BACE1: variants seen among roughly 807,000 people sequenced by gnomAD.
BACE1 encodes APP beta-secretase.
BACE1 carries 21 observed loss-of-function variants against 54.0 expected under a neutral mutation model. The observed-to-expected ratio is 0.39, with a 90% CI of 0.28 to 0.56. The LOEUF (loss-of-function observed/expected upper bound fraction) is 0.56. Ranked by LOEUF, BACE1 falls within the 20% of genes least tolerant of loss-of-function variation. The pLI, the probability that BACE1 is intolerant of heterozygous loss-of-function variation, is 0.63. For missense variants in BACE1, 511 were observed against 661.2 expected (o/e 0.77, Z 2.49); for synonymous variants, 232 against 260.9 (o/e 0.89, Z 1.07).
Position 117,290,954 on chromosome 11 carries a change from G to A in BACE1, c.1038C>T (p.Leu346=). ...TPWNIFPVIS[L]YLMGEVTNQS... is the part of the protein sequence containing the mutation. ...GGTTGGTAACCTCACCCATTAGGTA[G>A]AGTGAGATGACTGGGAAAATGTTCC... is the stretch of plus-strand genomic sequence containing the variant. The change falls in exon 7 of 9, where the codon CTC becomes CTT. Residue 346 remains leucine (L), a synonymous_variant. Transcript: ENST00000313005. The A allele has an allele frequency of 1.2e-6, 2 of 1,614,218 alleles. No homozygotes were observed. The highest frequency in any genetic ancestry group is 1.7e-6 in the Non-Finnish European group (2 of 1,180,042).
chr11:117,297,192 G>T, intron 1 of BACE1: 1 of 475,346 alleles, frequency 2.1e-6, no homozygotes, highest in East Asian at 3.7e-5. Context: ...GCCCTCTGCA[G>T]GTCTGCTGAA....
In BACE1 at chr11:117,316,008, G is replaced by A. The variant is rs972064462; in HGVS notation, c.-213C>T. The A allele has an allele frequency of 3.0e-5, 13 of 435,614 alleles. No individual in the cohort carries two copies. The highest frequency in any genetic ancestry group is 5.0e-5 in the Non-Finnish European group (13 of 259,490). The allele number at this position is 435,614 out of a possible 1,614,324, so 27.0% of individuals were successfully genotyped here. ...CCGCAGAGCACGGGAGCAGGGGAGAGGCTGGGATCCGGAGCCCGCTACATC... is the reference window on the plus strand; with the variant it reads ...CCGCAGAGCACGGGAGCAGGGGAGAAGCTGGGATCCGGAGCCCGCTACATC... On this transcript the variant is annotated 5_prime_UTR_variant, in exon 1 of 9. Coordinates refer to ENST00000313005, the MANE Select transcript of BACE1 (RefSeq NM_012104.6).
intron 8 of BACE1, 43 bp from the exon 9 acceptor site, chr11:117,289,850 A>G (rs767501526): frequency 1.3e-6 from 2 of 1,568,944 alleles, no homozygotes; most frequent in Admixed American, 1.7e-5. Context: ...TCATTGTCAT[A>G]GAGGAGTTAA....
chr11:117,310,965 T>A (rs1413949053), intron 1 of BACE1, among the ~76,000 whole-genome samples: 1 of 151,554 alleles, frequency 6.6e-6, no homozygotes, highest in East Asian at 1.9e-4. Flanking sequence ...ACACTGTGAG[T>A]GATAAAGACC....
chr11:117,311,073 C>A (rs2034934930), intron 1 of BACE1, among the ~76,000 whole-genome samples: 1 of 151,806 alleles, frequency 6.6e-6, no homozygotes, highest in Non-Finnish European at 1.5e-5. Context: ...AAGTAAAGAC[C>A]TTTTATATAT....
At chr11:117,292,839 T>C in intron 5 of BACE1, 2 of 527,478 alleles carry the variant, frequency 3.8e-6, no homozygotes, top group Admixed American at 2.9e-5. Flanking sequence ...TCAGAACTAG[T>C]TCCATGTTTT....
rs2034527089 is a variant in BACE1, at chr11:117,293,947, A to T, written c.629T>A (p.Leu210His). The T allele has an allele frequency of 3.1e-6, 5 of 1,614,030 alleles. No homozygotes were observed. In the East Asian group the frequency reaches 1.1e-4, roughly 36 times the overall value. Residue 210 changes from leucine (L) to histidine (H), a missense_variant, in exon 4 of 9, where the codon CTC (leucine) becomes CAC (histidine). Coordinates refer to ENST00000313005, the MANE Select transcript of BACE1 (RefSeq NM_012104.6). The surrounding 1 kb of genome is among the most constrained non-coding windows in gnomAD (Gnocchi z 4.1). Reference protein sequence around the residue: ...SLVKQTHVPNLFSLQLCGAGF... With the variant: ...SLVKQTHVPNHFSLQLCGAGF... Reference sequence around the variant, plus strand: ...AGCACCACAAAGCTGCAGGGAGAAGAGGTTGGGAACGTGGGTCTGCTTTAC... The same window carrying T: ...AGCACCACAAAGCTGCAGGGAGAAGTGGTTGGGAACGTGGGTCTGCTTTAC...
intron 1 of BACE1, among the ~76,000 whole-genome samples, chr11:117,308,952 A>AAAAC (rs1012901828): frequency 5.3e-5 from 8 of 152,092 alleles, no homozygotes; most frequent in African/African-American, 1.7e-4. Flanking sequence ...ACTCCATCTC[A>AAAAC]AAACAAACAA....
In BACE1 at chr11:117,315,579, GC is replaced by G. The variant is rs1363915325; in HGVS notation, c.216del (p.Gln73ArgfsTer7). 1 of 1,589,588 alleles carries G rather than the reference GC, an allele frequency of 6.3e-7. No homozygotes were observed. Among genetic ancestry groups the G allele is most frequent in the Non-Finnish European group, 8.5e-7 (1 of 1,169,628 alleles). On this transcript the variant is annotated frameshift_variant, in exon 1 of 9. Transcript: ENST00000313005. LOFTEE classifies it high-confidence loss of function. This position sits in a 1 kb window ranked among gnomAD's most constrained non-coding sequence, Gnocchi z 5.5. ...ACGGTCATCTCCACGTAGTAGCCCT[GC>G]CCCGACTTGCCCCTCAGGTTGTCCA... ...EMVDNLRGKS[G>X]QGYYVEMTVG...
In BACE1 at chr11:117,293,824, A is replaced by AAT. The variant is rs1207627283; in HGVS notation, c.705+46_705+47insAT. On this transcript the variant is annotated intron_variant, in intron 4 of 8. Transcript: ENST00000313005. This position sits in a 1 kb window ranked among gnomAD's most constrained non-coding sequence, Gnocchi z 4.1. ...TCAGGAAGGGGAGAGGATGGCACCCATCTCTCCCTCAATGCCAGGACCTCC... is the reference window on the plus strand; with the variant it reads ...TCAGGAAGGGGAGAGGATGGCACCCAATTCTCTCCCTCAATGCCAGGACCTCC... The AAT allele has an allele frequency of 6.4e-7, 1 of 1,569,708 alleles. No homozygotes were observed. Among genetic ancestry groups the AAT allele is most frequent in the Non-Finnish European group, 8.6e-7 (1 of 1,157,544 alleles).
chr11:117,296,582 T>C (rs1182005858), intron 2 of BACE1, among the ~76,000 whole-genome samples: 1 of 152,130 alleles, frequency 6.6e-6, no homozygotes, highest in East Asian at 1.9e-4. Flanking sequence ...CCCCTAAGAT[T>C]GTTCTGTGAG....
rs145314979 is a variant in BACE1, at chr11:117,298,475, C to T, written c.262-1514G>A. 3.9e-5 allele frequency among the ~76,000 whole-genome samples: 6 copies of T among 152,344 alleles called. No homozygotes were observed. In the East Asian group the frequency reaches 1.2e-3, roughly 29 times the overall value. On this transcript the variant is annotated intron_variant, in intron 1 of 8. Coordinates refer to ENST00000313005, the MANE Select transcript of BACE1 (RefSeq NM_012104.6). ...TGACTGATTCTGTCTTCAGGGCCCC[C>T]TGCTCCTTTTCAATTCTCCCAGGAA...
intron 1 of BACE1, among the ~76,000 whole-genome samples, chr11:117,307,066 C>T (rs952697884): frequency 6.6e-5 from 10 of 152,082 alleles, no homozygotes; most frequent in Non-Finnish European, 1.2e-4. Context: ...TCATTCTCCC[C>T]AGCACAGCCC....
chr11:117,315,915 G>A lies in BACE1; in HGVS notation c.-120C>T. ...AGGAGAGGGAGCTTGGGGGCATCAGGACGCCAGGGCCTGCAGGGCCCTGGG... is the reference window on the plus strand; with the variant it reads ...AGGAGAGGGAGCTTGGGGGCATCAGAACGCCAGGGCCTGCAGGGCCCTGGG... On this transcript the variant is annotated 5_prime_UTR_variant, in exon 1 of 9. Transcript: ENST00000313005. This position sits in a 1 kb window ranked among gnomAD's most constrained non-coding sequence, Gnocchi z 5.5. 1 of 1,194,284 alleles carries A rather than the reference G, an allele frequency of 8.4e-7. No homozygotes were observed. The highest frequency in any genetic ancestry group is 3.2e-5 in the East Asian group (1 of 31,422). 74.0% of individuals were successfully genotyped at this position (1,194,284 alleles called of 1,614,324 possible).
intron 2 of BACE1, among the ~76,000 whole-genome samples, chr11:117,296,086 A>G (rs1289651634): frequency 6.6e-6 from 1 of 152,172 alleles, no homozygotes; most frequent in Non-Finnish European, 1.5e-5. Context: ...AGCTGCCTAC[A>G]AGTCCAAGGA....
Position 117,307,342 on chromosome 11 carries a change from C to T in BACE1, c.261+8193G>A, listed in dbSNP as rs187641496. Among the ~76,000 whole-genome samples, 806 of 152,230 alleles carry T rather than the reference C, an allele frequency of 5.3e-3. 6 individuals carry two copies. Among genetic ancestry groups the T allele is most frequent in the Non-Finnish European group, 9.5e-3 (647 of 68,004 alleles). Reference sequence around the variant, plus strand: ...TTTTCTTTTTTTGAGATGGAGTCTTCCCCCTGTCGCCCAGGCTGGAGTGCA... The same window carrying T: ...TTTTCTTTTTTTGAGATGGAGTCTTTCCCCTGTCGCCCAGGCTGGAGTGCA... On this transcript the variant is annotated intron_variant, in intron 1 of 8. Transcript: ENST00000313005.
chr11:117,313,301 C>T (rs1310414490), intron 1 of BACE1, among the ~76,000 whole-genome samples: 1 of 152,192 alleles, frequency 6.6e-6, no homozygotes, highest in Admixed American at 6.5e-5. Context: ...AGCCCACTTT[C>T]CTCTTCTAGA....
rs941161365 is a variant in BACE1, at chr11:117,293,592, A to C, written c.705+279T>G. On this transcript the variant is annotated intron_variant, in intron 4 of 8. Transcript: ENST00000313005. This position sits in a 1 kb window ranked among gnomAD's most constrained non-coding sequence, Gnocchi z 4.1. ...TTATATCTCTGCCTTCTGACCATCA[A>C]ACTGAATAATTTTAATTCAACAGGT... is the stretch of plus-strand genomic sequence containing the variant. 1 of 312,324 alleles carries C rather than the reference A, an allele frequency of 3.2e-6. No homozygotes were observed. The highest frequency in any genetic ancestry group is 2.2e-5 in the African/African-American group (1 of 46,464). The allele number at this position is 312,324 out of a possible 1,614,324, so 19.3% of individuals were successfully genotyped here.
intron 5 of BACE1, 68 bp from the exon 6 acceptor site, chr11:117,291,881 G>A: frequency 8.1e-7 from 1 of 1,239,272 alleles, no homozygotes; most frequent in South Asian, 1.2e-5. Flanking sequence ...GCAGTAGGGG[G>A]TTACTGCTGG....
Sources: gnomAD v4.1 joint callset for allele counts (sites outside exome capture counted in the v4.1 genomes callset) on GRCh38, gnomAD v4.1.1 for gene constraint, Gnocchi (gnomAD v3.1) non-coding constraint, MANE v1.5 for transcripts, NCBI Gene and HGNC (gene_info 2026-07-23, HGNC 2026-07-21) for gene names.